Variants in LRFN2 observed in about 807,000 individuals in gnomAD.
LRFN2 encodes the protein leucine-rich repeat and fibronectin type-III domain-containing protein 2.
LRFN2 carries 18 observed loss-of-function variants against 37.3 expected under a neutral mutation model. The observed-to-expected ratio is 0.48, with a 90% CI of 0.33 to 0.72. The LOEUF is 0.72. LRFN2 is among the 30% of genes least tolerant of loss of function. The pLI is 0.02. For missense variants in LRFN2, 1,006 were observed against 1,060.7 expected (o/e 0.95, Z 0.72); for synonymous variants, 556 against 466.6 (o/e 1.19, Z -2.47).
rs878972303 is a variant in LRFN2, at chr6:40,392,748, C to A, written c.1565G>T (p.Cys522Phe). The A allele has an allele frequency of 6.2e-7, 1 of 1,614,132 alleles. No individual in the cohort carries two copies. The highest frequency in any genetic ancestry group is 8.5e-7 in the Non-Finnish European group (1 of 1,180,004). The change falls in exon 3 of 3, where the codon TGC (cysteine) becomes TTC (phenylalanine). Residue 522 changes from cysteine (C) to phenylalanine (F), a missense_variant. Physicochemically the swap from Cys to Phe is radical, Grantham distance 205. Coordinates refer to ENST00000338305, the MANE Select transcript of LRFN2 (RefSeq NM_020737.3). This position sits in a 1 kb window ranked among gnomAD's most constrained non-coding sequence, Gnocchi z 4.7. The part of the protein sequence containing the change: ...QFFTKADYPQ[C>F]QSMHSQILGG... Reference sequence around the variant, plus strand: ...CAGAATCTGGCTGTGCATGGACTGGCACTGCGGGTAGTCAGCCTTGGTGAA... The same window carrying A: ...CAGAATCTGGCTGTGCATGGACTGGAACTGCGGGTAGTCAGCCTTGGTGAA...
intron 1 of LRFN2, among the ~76,000 whole-genome samples, chr6:40,495,069 A>G (rs1172296579): frequency 6.6e-6 from 1 of 152,214 alleles, no homozygotes; most frequent in Non-Finnish European, 1.5e-5. Flanking sequence ...ACACAGGTAG[A>G]CTAGTTCTAA....
chr6:40,486,773 C>T (rs1764968969), intron 1 of LRFN2, among the ~76,000 whole-genome samples: 1 of 152,066 alleles, frequency 6.6e-6, no homozygotes, highest in African/African-American at 2.4e-5. Flanking sequence ...AGGGTGTGTA[C>T]GAGTGGGCAG....
chr6:40,566,413 T>C (rs535117221), intron 1 of LRFN2, among the ~76,000 whole-genome samples: 3 of 152,368 alleles, frequency 2.0e-5, no homozygotes, highest in African/African-American at 7.2e-5. Context: ...TAAATCATGC[T>C]GCTTTAAAGA....
At chr6:40,533,144 A>G (rs978098819) in intron 1 of LRFN2, among the ~76,000 whole-genome samples, 1 of 151,456 alleles carries the variant, frequency 6.6e-6, no homozygotes, top group African/African-American at 2.4e-5. Flanking sequence ...GTCTGTCTCT[A>G]TGTCTCTGCC....
chr6:40,422,302 TG>T (rs1267693506), intron 2 of LRFN2, among the ~76,000 whole-genome samples: 1 of 152,216 alleles, frequency 6.6e-6, no homozygotes, highest in African/African-American at 2.4e-5. Context: ...TCCCTAGCTG[TG>T]GATTTACAGA....
chr6:40,455,594 C>T (rs866494102), intron 1 of LRFN2, among the ~76,000 whole-genome samples: 27 of 152,278 alleles, frequency 1.8e-4, no homozygotes, highest in Middle Eastern at 3.4e-3. Flanking sequence ...AGCAATTATC[C>T]CAGCTTTATT....
intron 1 of LRFN2, among the ~76,000 whole-genome samples, chr6:40,505,287 T>G (rs2113879440): frequency 6.6e-6 from 1 of 152,286 alleles, no homozygotes; most frequent in South Asian, 2.1e-4. Context: ...CACAAGGAAT[T>G]TCACCGTGCG....
At chr6:40,541,676 C>A (rs1056187460) in intron 1 of LRFN2, among the ~76,000 whole-genome samples, 78 of 152,276 alleles carry the variant, frequency 5.1e-4, no homozygotes, top group African/African-American at 1.8e-3. Context: ...AGATCATTGG[C>A]ACGCTCCCAG....
chr6:40,494,615 A>G (rs936548567), intron 1 of LRFN2, among the ~76,000 whole-genome samples: 1 of 152,020 alleles, frequency 6.6e-6, no homozygotes, highest in Non-Finnish European at 1.5e-5. Context: ...TTCAACACCC[A>G]GGCCCCTTAG....
chr6:40,499,604 G>A (rs1765322708), intron 1 of LRFN2, among the ~76,000 whole-genome samples: 1 of 152,172 alleles, frequency 6.6e-6, no homozygotes, highest in South Asian at 2.1e-4. Context: ...GTTGCAATGT[G>A]TTCGTGGTTT....
intron 1 of LRFN2, among the ~76,000 whole-genome samples, chr6:40,465,890 G>T (rs1035745548): frequency 6.6e-6 from 1 of 152,182 alleles, no homozygotes; most frequent in Non-Finnish European, 1.5e-5. Context: ...TTCCTGGAGG[G>T]GAAGGGAGGC....
At chr6:40,497,169 C>T (rs999775784) in intron 1 of LRFN2, among the ~76,000 whole-genome samples, 7 of 152,280 alleles carry the variant, frequency 4.6e-5, no homozygotes, top group South Asian at 2.1e-4. Flanking sequence ...CTCCTAAGTC[C>T]GTTTGCCTTC....
rs371754423 is a variant in LRFN2, at chr6:40,392,599, C to T, written c.1714G>A (p.Val572Met). 41 of 1,608,916 alleles carry T rather than the reference C, an allele frequency of 2.5e-5. No homozygotes were observed. The highest frequency in any genetic ancestry group is 8.0e-5 in the African/African-American group (6 of 74,954). Residue 572 changes from valine to methionine, a missense_variant, in exon 3 of 3, where the codon GTG becomes ATG. Coordinates refer to ENST00000338305, the MANE Select transcript of LRFN2 (RefSeq NM_020737.3). This position sits in a 1 kb window ranked among gnomAD's most constrained non-coding sequence, Gnocchi z 4.7. ...HEAPSKMAAA[V>M]SNVYSQTNGA... ...TTGGTCTGCGAGTACACATTGCTCA[C>T]GGCCGCTGCCATCTTGCTGGGGGCC...
At chr6:40,528,230 C>T (rs564428994) in intron 1 of LRFN2, among the ~76,000 whole-genome samples, 2 of 152,376 alleles carry the variant, frequency 1.3e-5, no homozygotes, top group East Asian at 3.9e-4. Context: ...CTAACTCCAG[C>T]CCTTTGTCCC....
In LRFN2 at chr6:40,432,059, T is replaced by A. The variant is rs1763506685; in HGVS notation, c.1055A>T (p.Gln352Leu). Reference sequence around the variant, plus strand: ...AATGCAGGTGAAGGCACCACTGTCCTGAGATGTGGTGATGAAGATGTCCAG... The same window carrying A: ...AATGCAGGTGAAGGCACCACTGTCCAGAGATGTGGTGATGAAGATGTCCAG... Reference protein sequence around the residue: ...GTLDIFITTSQDSGAFTCIAA... With the variant: ...GTLDIFITTSLDSGAFTCIAA... The change falls in exon 2 of 3, where the codon CAG becomes CTG. Residue 352 changes from glutamine to leucine, a missense_variant. By Grantham distance (113) the Gln-to-Leu change is moderately radical. This residue lies in a region of LRFN2 where 303 missense variants were observed against 299.8 expected (regional missense o/e 1.01). Transcript: ENST00000338305. 2 of 1,611,080 alleles carry A rather than the reference T, an allele frequency of 1.2e-6. No homozygotes were observed. The highest frequency in any genetic ancestry group is 1.3e-5 in the African/African-American group (1 of 74,864).
intron 1 of LRFN2, among the ~76,000 whole-genome samples, chr6:40,558,373 G>T (rs139974293): frequency 1.4e-4 from 21 of 152,318 alleles, no homozygotes; most frequent in Admixed American, 5.2e-4. Flanking sequence ...CATTGTGGAA[G>T]GTCTAGGCCA....
chr6:40,410,588 C>T (rs1038975720), intron 2 of LRFN2, among the ~76,000 whole-genome samples: 2 of 152,212 alleles, frequency 1.3e-5, no homozygotes, highest in Non-Finnish European at 2.9e-5. Flanking sequence ...GTACACCAAG[C>T]ACTGGCATAC....
In LRFN2 at chr6:40,432,907, G is replaced by T; in HGVS notation, c.207C>A (p.Arg69=). The change falls in exon 2 of 3, where the codon CGC becomes CGA. Residue 69 remains arginine (R), a synonymous_variant. Transcript: ENST00000338305. ...GCCCCGTCATGTTGGCAAAGTCCTG[G>T]CGGCTGATGTGGATGATGAAGTTGC... ...LGGNFIIHIS[R]QDFANMTGLV... The T allele has an allele frequency of 6.2e-7, 1 of 1,614,232 alleles. No homozygotes were observed. Among genetic ancestry groups the T allele is most frequent in the Non-Finnish European group, 8.5e-7 (1 of 1,180,030 alleles).
intron 1 of LRFN2, among the ~76,000 whole-genome samples, chr6:40,575,930 A>C (rs888411857): frequency 6.6e-6 from 1 of 152,210 alleles, no homozygotes; most frequent in Admixed American, 6.5e-5. Flanking sequence ...GCACAGAATG[A>C]ATGTGGGCAT....
Sources: allele counts gnomAD v4.1 joint callset (sites outside exome capture counted in the v4.1 genomes callset), GRCh38; gene constraint gnomAD v4.1.1; regional missense constraint gnomAD v4.1.1; non-coding constraint Gnocchi (gnomAD v3.1); transcripts MANE v1.5; gene names NCBI Gene and HGNC (gene_info 2026-07-23, HGNC 2026-07-21).